The following ATRNL1 variants were observed in gnomAD, a reference collection of about 807,000 sequenced individuals.
ATRNL1 encodes the protein attractin-like protein 1.
A neutral mutation model predicts 182.7 loss-of-function variants in ATRNL1; 95 were observed. That is an observed-to-expected ratio of 0.52 (90% CI 0.44 to 0.62). The LOEUF (loss-of-function observed/expected upper bound fraction) is 0.62, where lower values mean the gene tolerates loss of function less well. Ranked by LOEUF, ATRNL1 falls within the 20% of genes least tolerant of loss-of-function variation. The probability of loss-of-function intolerance (pLI) is 0.00; values close to 1 mark genes in which losing one functional copy is unlikely to be tolerated. For missense variants in ATRNL1, 1,471 were observed against 1,679.5 expected (o/e 0.88, Z 2.17); for synonymous variants, 576 against 568.3 (o/e 1.01, Z -0.19).
At chr10:115,895,674 C>T (rs755745328) in intron 28 of ATRNL1, among the ~76,000 whole-genome samples, 10 of 152,128 alleles carry the variant, frequency 6.6e-5, no homozygotes, top group Non-Finnish European at 1.5e-4. Flanking sequence ...GACTCGGACC[C>T]GGTGGTCAAA....
In ATRNL1 at chr10:115,093,687, C is replaced by T; in HGVS notation, c.-64C>T. 1 of 1,424,236 alleles carries T rather than the reference C, an allele frequency of 7.0e-7. No individual in the cohort carries two copies. The highest frequency in any genetic ancestry group is 9.3e-7 in the Non-Finnish European group (1 of 1,080,204). The allele number at this position is 1,424,236 out of a possible 1,614,324, so 88.2% of individuals were successfully genotyped here. On this transcript the variant is annotated 5_prime_UTR_variant, in exon 1 of 29. Transcript: ENST00000355044. The surrounding 1 kb of genome is among the most constrained non-coding windows in gnomAD (Gnocchi z 6.1). Reference sequence around the variant, plus strand: ...GAGAGGTTTTCTGCGGCCGGAATTCCCTTCAACAGCATCCCTGTCGGCGCC... The same window carrying T: ...GAGAGGTTTTCTGCGGCCGGAATTCTCTTCAACAGCATCCCTGTCGGCGCC...
chr10:115,686,756 C>T (rs1174618936), intron 26 of ATRNL1, among the ~76,000 whole-genome samples: 2 of 152,004 alleles, frequency 1.3e-5, no homozygotes, highest in Non-Finnish European at 2.9e-5. Flanking sequence ...TCCAAGTTAT[C>T]TTCCATCATT....
intron 21 of ATRNL1, among the ~76,000 whole-genome samples, chr10:115,459,840 C>T (rs1847708405): frequency 6.6e-6 from 1 of 152,062 alleles, no homozygotes; most frequent in Non-Finnish European, 1.5e-5. Context: ...CGTGTGATGT[C>T]TCCCCCAGAC....
At chr10:115,259,626 C>G (rs2133866360) in intron 10 of ATRNL1, among the ~76,000 whole-genome samples, 1 of 152,330 alleles carries the variant, frequency 6.6e-6, no homozygotes, top group Admixed American at 6.5e-5. Context: ...GCTGCATCCA[C>G]TATCCAACTA....
At chr10:115,180,479 C>A (rs1428346474) in intron 8 of ATRNL1, among the ~76,000 whole-genome samples, 1 of 151,668 alleles carries the variant, frequency 6.6e-6, no homozygotes, top group Non-Finnish European at 1.5e-5. Flanking sequence ...TATTTCCCTG[C>A]TTTTGAGCTT....
intron 26 of ATRNL1, among the ~76,000 whole-genome samples, chr10:115,629,632 C>G (rs534917916): frequency 6.6e-6 from 1 of 152,256 alleles, no homozygotes; most frequent in African/African-American, 2.4e-5. Flanking sequence ...TTGGAGACTG[C>G]AGAGCAGAGA....
At chr10:115,824,554 A>C (rs554406170) in intron 27 of ATRNL1, among the ~76,000 whole-genome samples, 42 of 152,312 alleles carry the variant, frequency 2.8e-4, no homozygotes, top group African/African-American at 9.9e-4. Flanking sequence ...CAGAATCTAC[A>C]AGGAACTTAA....
chr10:115,766,887 C>G (rs1449358760), intron 27 of ATRNL1, among the ~76,000 whole-genome samples: 1 of 152,098 alleles, frequency 6.6e-6, no homozygotes, highest in Non-Finnish European at 1.5e-5. Context: ...GCAGGCTCTC[C>G]TAATTACTAG....
At chr10:115,519,483 G>A (rs2133701431) in intron 25 of ATRNL1, among the ~76,000 whole-genome samples, 159 bp downstream of exon 25, 1 of 152,132 alleles carries the variant, frequency 6.6e-6, no homozygotes, top group African/African-American at 2.4e-5. Context: ...CAGAGGAGAG[G>A]TAACATAGCT....
intron 26 of ATRNL1, among the ~76,000 whole-genome samples, chr10:115,602,152 G>T (rs112975018): frequency 1.5e-4 from 23 of 152,106 alleles, no homozygotes; most frequent in African/African-American, 5.5e-4. Flanking sequence ...TCAGGAGTTC[G>T]AGACCAGCCT....
chr10:115,523,242 T>C (rs147618513), intron 25 of ATRNL1, among the ~76,000 whole-genome samples: 1 of 152,286 alleles, frequency 6.6e-6, no homozygotes, highest in African/African-American at 2.4e-5. Context: ...CATGGCAATG[T>C]TGTCCCAAGC....
intron 8 of ATRNL1, among the ~76,000 whole-genome samples, chr10:115,198,746 C>A: frequency 6.6e-6 from 1 of 152,076 alleles, no homozygotes; most frequent in East Asian, 1.9e-4. Flanking sequence ...TTCCTAGAAT[C>A]ATTAATTGAA....
intron 26 of ATRNL1, among the ~76,000 whole-genome samples, chr10:115,587,209 TTGTC>T (rs1489094048): frequency 6.6e-6 from 1 of 151,692 alleles, no homozygotes; most frequent in Non-Finnish European, 1.5e-5. Flanking sequence ...GTCTTTTTGT[TTGTC>T]TGTGCCCTGC....
intron 9 of ATRNL1, among the ~76,000 whole-genome samples, chr10:115,219,554 T>G (rs1849364043): frequency 6.6e-6 from 1 of 152,186 alleles, no homozygotes; most frequent in Non-Finnish European, 1.5e-5. Context: ...TCCTGATATG[T>G]AATCATTCAA....
At chr10:115,182,881 A>G (rs1554888055) in intron 8 of ATRNL1, among the ~76,000 whole-genome samples, 1 of 151,482 alleles carries the variant, frequency 6.6e-6, no homozygotes, top group Admixed American at 6.6e-5. Flanking sequence ...GTCAGTCATT[A>G]TTGTCAATAC....
intron 27 of ATRNL1, among the ~76,000 whole-genome samples, chr10:115,843,874 C>T (rs1950867884): frequency 6.6e-6 from 1 of 152,076 alleles, no homozygotes; most frequent in African/African-American, 2.4e-5. Flanking sequence ...GTTAAGCATA[C>T]AAGCTCAGAA....
intron 26 of ATRNL1, among the ~76,000 whole-genome samples, chr10:115,635,906 T>G (rs1858840030): frequency 6.6e-6 from 1 of 152,090 alleles, no homozygotes; most frequent in East Asian, 1.9e-4. Flanking sequence ...AACATAAGAA[T>G]AAATACTTAG....
chr10:115,129,586 T>C (rs371113000), intron 5 of ATRNL1, 51 bp downstream of exon 5: 15 of 1,458,282 alleles, frequency 1.0e-5, no homozygotes, highest in Non-Finnish European at 1.4e-5. Context: ...ATATATGTAA[T>C]AGATTAATAC....
chr10:115,332,668 T>C (rs1236514931), intron 18 of ATRNL1, among the ~76,000 whole-genome samples: 1 of 152,222 alleles, frequency 6.6e-6, no homozygotes, highest in African/African-American at 2.4e-5. Flanking sequence ...CTTGCACCTC[T>C]AAGAATTTCT....
Sources: allele counts gnomAD v4.1 joint callset (sites outside exome capture counted in the v4.1 genomes callset), GRCh38; gene constraint gnomAD v4.1.1; non-coding constraint Gnocchi (gnomAD v3.1); transcripts MANE v1.5; gene names NCBI Gene and HGNC (gene_info 2026-07-23, HGNC 2026-07-21).